The following SNX25 variants were observed in gnomAD, a reference collection of about 807,000 sequenced individuals.
SNX25 encodes the protein sorting nexin-25.
SNX25 carries 62 observed loss-of-function variants against 113.7 expected under a neutral mutation model. The observed-to-expected ratio is 0.55, with a 90% CI of 0.44 to 0.67. The LOEUF (loss-of-function observed/expected upper bound fraction) is 0.67, where lower values mean the gene tolerates loss of function less well. SNX25 is among the 30% of genes least tolerant of loss of function. The pLI is 0.00. For synonymous variants in SNX25, 421 were observed against 436.2 expected (o/e 0.97, Z 0.43); for missense variants, 1,014 against 1,161.0 (o/e 0.87, Z 1.84).
At chr4:185,311,902 G>C (rs2095034057) in intron 7 of SNX25, among the ~76,000 whole-genome samples, 1 of 152,146 alleles carries the variant, frequency 6.6e-6, no homozygotes, top group Non-Finnish European at 1.5e-5. Flanking sequence ...AGGAACTCTT[G>C]TTTTTATAAT....
intron 18 of SNX25, among the ~76,000 whole-genome samples, 170 bp downstream of exon 18, chr4:185,362,881 C>T (rs1013085901): frequency 3.0e-5 from 4 of 134,676 alleles, no homozygotes; most frequent in South Asian, 4.7e-4. Flanking sequence ...TCGCTCTTGT[C>T]CCCCAGGCTG....
At chr4:185,370,871 A>C (rs1257803533), downstream of SNX25, 2 of 1,564,622 alleles carry the variant, frequency 1.3e-6, no homozygotes, top group African/African-American at 1.3e-5. Context: ...AAGTGTTTGT[A>C]AAACGATGCG....
chr4:185,371,425 C>G (rs202204193), downstream of SNX25, among the ~76,000 whole-genome samples: 75 of 151,810 alleles, frequency 4.9e-4, 2 homozygotes, highest in East Asian at 0.012. Context: ...GCCTGTAGTC[C>G]CAGCTACTCG....
At chr4:185,223,741 GA>G (rs33966647) in intron 1 of SNX25, among the ~76,000 whole-genome samples, 20,500 of 146,636 alleles carry the variant, frequency 0.14, 1,608 homozygotes, top group African/African-American at 0.2. Context: ...AGATCGTGCC[GA>G]AAAAAAAAAA....
At chr4:185,275,242 A>C (rs1749497416) in intron 5 of SNX25, among the ~76,000 whole-genome samples, 1 of 152,224 alleles carries the variant, frequency 6.6e-6, no homozygotes, top group Non-Finnish European at 1.5e-5. Context: ...CCTCATTTGA[A>C]GATCAACATG....
intron 9 of SNX25, among the ~76,000 whole-genome samples, chr4:185,329,629 T>C (rs904853764): frequency 1.3e-5 from 2 of 151,704 alleles, no homozygotes; most frequent in Admixed American, 6.6e-5. Flanking sequence ...GATGTTCCAG[T>C]TGGAATCAGC....
At chr4:185,237,335 T>G (rs1368586426) in intron 1 of SNX25, among the ~76,000 whole-genome samples, 1 of 152,208 alleles carries the variant, frequency 6.6e-6, no homozygotes, top group African/African-American at 2.4e-5. Flanking sequence ...GTTTGGATAC[T>G]TAAATGCTTT....
downstream of SNX25, chr4:185,365,410 A>C (rs2095383318): frequency 6.6e-6 from 1 of 151,360 alleles, no homozygotes; most frequent in African/African-American, 2.4e-5. Context: ...GCTGGAGTGC[A>C]ATTTGCGCGA....
chr4:185,368,802 T>G (rs1285120537), downstream of SNX25, among the ~76,000 whole-genome samples: 2 of 151,422 alleles, frequency 1.3e-5, no homozygotes, highest in East Asian at 1.9e-4. Context: ...TTTGTTTTTT[T>G]TTTTTTTTTG....
intron 6 of SNX25, among the ~76,000 whole-genome samples, chr4:185,307,727 AC>A (rs1754662369): frequency 6.6e-6 from 1 of 152,074 alleles, no homozygotes; most frequent in African/African-American, 2.4e-5. Flanking sequence ...TGATCTCTTC[AC>A]CTGTCTTCTG....
chr4:185,372,831 G>T (rs776742885), downstream of SNX25: 2 of 1,523,976 alleles, frequency 1.3e-6, no homozygotes, highest in East Asian at 4.5e-5. Flanking sequence ...TGTTACAGCA[G>T]CACAGAACAG....
At chr4:185,208,965 A>G (rs1737337151), upstream of SNX25, among the ~76,000 whole-genome samples, 1 of 152,232 alleles carries the variant, frequency 6.6e-6, no homozygotes, top group Admixed American at 6.5e-5. Flanking sequence ...CGTGGCTGAT[A>G]GCATTTGAAC....
At position 185,363,274 on chromosome 4, in the gene SNX25, G is replaced by C; in HGVS notation, c.2935-111G>C. 2.2e-6 allele frequency: 2 copies of C among 890,286 alleles called. No homozygotes were observed. Among genetic ancestry groups the C allele is most frequent in the Non-Finnish European group, 3.5e-6 (2 of 566,918 alleles). The allele number at this position is 890,286 out of a possible 1,614,324, so 55.1% of individuals were successfully genotyped here. ...ACTGTTTGAGAGTTACTTGTTTACT[G>C]AGATAATTTCAGACCTAAAATTAGA... On this transcript the variant is annotated intron_variant, in intron 18 of 18. Transcript: ENST00000652585. This position sits in a 1 kb window ranked among gnomAD's most constrained non-coding sequence, Gnocchi z 4.2.
At chr4:185,327,837 T>G (rs1316832959) in intron 9 of SNX25, among the ~76,000 whole-genome samples, 1 of 152,254 alleles carries the variant, frequency 6.6e-6, no homozygotes, top group African/African-American at 2.4e-5. Context: ...CAAAGATTAT[T>G]CTGTCTGGGC....
At chr4:185,278,860 A>T (rs1338031106) in intron 5 of SNX25, among the ~76,000 whole-genome samples, 7 of 152,208 alleles carry the variant, frequency 4.6e-5, no homozygotes. Context: ...GCTGACATAA[A>T]ACTATGAGGA....
At chr4:185,349,085 T>A (rs2095302645) in intron 13 of SNX25, among the ~76,000 whole-genome samples, 1 of 152,176 alleles carries the variant, frequency 6.6e-6, no homozygotes. Flanking sequence ...ATCGGGGGGT[T>A]CGATCTTTTG....
At chr4:185,282,540 G>C (rs1167705761) in intron 5 of SNX25, among the ~76,000 whole-genome samples, 48 of 152,104 alleles carry the variant, frequency 3.2e-4, no homozygotes, top group Admixed American at 3.1e-3. Context: ...GAGATTGTTG[G>C]GACGTGTTCA....
intron 15 of SNX25, among the ~76,000 whole-genome samples, chr4:185,355,946 C>T (rs1305918056): frequency 6.6e-6 from 1 of 152,232 alleles, no homozygotes; most frequent in Non-Finnish European, 1.5e-5. Context: ...GAGCAGGGCT[C>T]CTCACCATGC....
intron 1 of SNX25, among the ~76,000 whole-genome samples, chr4:185,219,532 C>T (rs1396189932): frequency 6.6e-6 from 1 of 152,104 alleles, no homozygotes; most frequent in Non-Finnish European, 1.5e-5. Flanking sequence ...GCACTCCAGG[C>T]TGGGACGACA....
Sources: gnomAD v4.1 joint callset for allele counts (sites outside exome capture counted in the v4.1 genomes callset) on GRCh38, gnomAD v4.1.1 for gene constraint, Gnocchi (gnomAD v3.1) non-coding constraint, MANE v1.5 for transcripts, NCBI Gene and HGNC (gene_info 2026-07-23, HGNC 2026-07-21) for gene names.